HSD11B1: variants seen among roughly 807,000 people sequenced by gnomAD.
HSD11B1 encodes the protein 11-beta-hydroxysteroid dehydrogenase 1.
Under a neutral mutation model 22.1 loss-of-function variants are expected in HSD11B1, and 15 were observed. The observed-to-expected ratio is 0.68, with a 90% CI of 0.45 to 1.04. HSD11B1 has a LOEUF of 1.04. Ranked by LOEUF, HSD11B1 falls within the 50% of genes least tolerant of loss-of-function variation. The pLI is 0.00. For missense variants in HSD11B1, 281 were observed against 357.6 expected, an observed-to-expected ratio of 0.79 and a Z score of 1.73; for synonymous variants, 122 against 125.2, an observed-to-expected ratio of 0.97 and a Z score of 0.17.
chr1:209,700,666 G>C (rs1463112580), upstream of HSD11B1, among the ~76,000 whole-genome samples: 1 of 152,182 alleles, frequency 6.6e-6, no homozygotes, highest in Non-Finnish European at 1.5e-5. Flanking sequence ...CAAAAAATGT[G>C]TTTTTCTTTT....
chr1:209,691,153 T>C (rs1326064339), intron 1 of HSD11B1, among the ~76,000 whole-genome samples: 1 of 152,122 alleles, frequency 6.6e-6, no homozygotes, highest in Non-Finnish European at 1.5e-5. Flanking sequence ...AGCTAGAAAC[T>C]GAAAGGCAAG....
intron 4 of HSD11B1, among the ~76,000 whole-genome samples, chr1:209,726,542 C>T (rs2077003804): frequency 6.6e-6 from 1 of 152,134 alleles, no homozygotes; most frequent in Admixed American, 6.5e-5. Flanking sequence ...CAACACTGTG[C>T]TTTAGCACTT....
chr1:209,701,307 GA>G (rs1180194344), upstream of HSD11B1, among the ~76,000 whole-genome samples: 8 of 152,272 alleles, frequency 5.3e-5, no homozygotes, highest in African/African-American at 1.9e-4. Context: ...AGTAGCAAGA[GA>G]AAAATGAGGA....
At chr1:209,724,202 C>T (rs914848224) in intron 4 of HSD11B1, 21 of 152,206 alleles carry the variant, frequency 1.4e-4, no homozygotes, top group African/African-American at 5.1e-4. Flanking sequence ...TGGCTTTGCC[C>T]ATAGCCATGG....
Position 209,706,783 on chromosome 1 carries a change from C to A in HSD11B1, c.294C>A (p.Phe98Leu). The change falls in exon 3 of 6, where the codon TTC becomes TTA. Residue 98 changes from phenylalanine to leucine, a missense_variant. Physicochemically the swap from Phe to Leu is conservative, Grantham distance 22. Transcript: ENST00000367027. This position sits in a 1 kb window ranked among gnomAD's most constrained non-coding sequence, Gnocchi z 4.0. ...CTGGCACCATGGAAGACATGACCTT[C>A]GCAGAGCAATTTGTTGCCCAAGCAG... ...YIAGTMEDMT[F>L]AEQFVAQAGK... 6.2e-7 allele frequency: 1 copy of A among 1,614,116 alleles called. No individual in the cohort carries two copies. Among genetic ancestry groups the A allele is most frequent in the East Asian group, 2.2e-5 (1 of 44,870 alleles).
At chr1:209,694,172 A>G (rs1373064862) in intron 1 of HSD11B1, among the ~76,000 whole-genome samples, 1 of 152,280 alleles carries the variant, frequency 6.6e-6, no homozygotes, top group East Asian at 1.9e-4. Flanking sequence ...CCAATTCTAT[A>G]TCTTTAACCT....
chr1:209,725,512 C>T (rs188291927), intron 4 of HSD11B1, among the ~76,000 whole-genome samples: 3 of 152,284 alleles, frequency 2.0e-5, no homozygotes, highest in Non-Finnish European at 1.5e-5. Flanking sequence ...TACATGTTTT[C>T]CTTAGTCATG....
At position 209,704,926 on chromosome 1, in the gene HSD11B1, G is replaced by A; in HGVS notation, c.-17G>A. ...TCTGTGTGTCCTACAGGAGTCTTCA[G>A]GCCAGCTCCCTGTCGGATGGCTTTT... is the stretch of plus-strand genomic sequence containing the variant. On this transcript the variant is annotated 5_prime_UTR_variant, in exon 1 of 6. Coordinates refer to ENST00000367027, the MANE Select transcript of HSD11B1 (RefSeq NM_005525.4). 1 of 1,607,324 alleles carries A rather than the reference G, an allele frequency of 6.2e-7. No homozygotes were observed. Among genetic ancestry groups the A allele is most frequent in the South Asian group, 1.1e-5 (1 of 90,938 alleles).
intron 4 of HSD11B1, among the ~76,000 whole-genome samples, chr1:209,722,583 T>C (rs574876472): frequency 6.6e-6 from 1 of 152,322 alleles, no homozygotes; most frequent in African/African-American, 2.4e-5. Context: ...ATGGAGAAGA[T>C]AGGTGGATTT....
At chr1:209,689,977 G>T (rs908020430) in intron 1 of HSD11B1, among the ~76,000 whole-genome samples, 1 of 152,150 alleles carries the variant, frequency 6.6e-6, no homozygotes, top group African/African-American at 2.4e-5. Context: ...AGAGATAAGG[G>T]AAGATATTTC....
rs761192044 is a variant in HSD11B1, at chr1:209,706,845, C to T, written c.331+25C>T. 6.2e-7 allele frequency: 1 copy of T among 1,608,658 alleles called. No individual in the cohort carries two copies. The highest frequency in any genetic ancestry group is 8.5e-7 in the Non-Finnish European group (1 of 1,175,756). ...GGTGAGGCTGTTTCTCTTACCTCCT[C>T]CTCTGAACTTTGCCCTTGGGGTCAC... On this transcript the variant is annotated intron_variant, in intron 3 of 5. Transcript: ENST00000367027. This position sits in a 1 kb window ranked among gnomAD's most constrained non-coding sequence, Gnocchi z 4.0.
rs1014801654 is a variant in HSD11B1 at position 209,706,392 on chromosome 1, C to T, written c.220-317C>T. 1.3e-5 allele frequency among the ~76,000 whole-genome samples: 2 copies of T among 151,892 alleles called. No homozygotes were observed. Among genetic ancestry groups the T allele is most frequent in the African/African-American group, 4.8e-5 (2 of 41,318 alleles). ...AAACATTCACAAACCTAGAGCTACC[C>T]ACATAGTAACCAGCATCTACACTCA... On this transcript the variant is annotated intron_variant, in intron 2 of 5. Coordinates refer to ENST00000367027, the MANE Select transcript of HSD11B1 (RefSeq NM_005525.4). The surrounding 1 kb of genome is among the most constrained non-coding windows in gnomAD (Gnocchi z 4.0).
At chr1:209,708,088 T>C (rs2102373715) in intron 4 of HSD11B1, among the ~76,000 whole-genome samples, 1 of 152,312 alleles carries the variant, frequency 6.6e-6, no homozygotes. Context: ...GAGAGGTCCC[T>C]GGTGTTCTGG....
At chr1:209,718,068 T>A (rs528037520) in intron 4 of HSD11B1, among the ~76,000 whole-genome samples, 2 of 152,188 alleles carry the variant, frequency 1.3e-5, no homozygotes, top group African/African-American at 4.8e-5. Context: ...GAGAGTAGAA[T>A]GATAGTTTAC....
chr1:209,700,851 A>G (rs1342452847), upstream of HSD11B1, among the ~76,000 whole-genome samples: 2 of 152,244 alleles, frequency 1.3e-5, no homozygotes, highest in African/African-American at 4.8e-5. Flanking sequence ...TCTCTAGGGC[A>G]GGGGCAAATG....
intron 1 of HSD11B1, among the ~76,000 whole-genome samples, chr1:209,696,580 G>GA (rs2076792725): frequency 6.6e-6 from 1 of 152,078 alleles, no homozygotes; most frequent in Admixed American, 6.5e-5. Context: ...AGGGAATACA[G>GA]ACAAAAAATG....
intron 1 of HSD11B1, among the ~76,000 whole-genome samples, chr1:209,689,662 A>G (rs532293259): frequency 4.6e-5 from 7 of 151,726 alleles, no homozygotes; most frequent in Admixed American, 6.6e-5. Context: ...GGCCCCTCCC[A>G]CCCCTCTCTT....
chr1:209,711,983 T>C (rs1363199520), intron 4 of HSD11B1, among the ~76,000 whole-genome samples: 3 of 152,170 alleles, frequency 2.0e-5, no homozygotes, highest in Non-Finnish European at 4.4e-5. Flanking sequence ...CGGCTGAACT[T>C]AGGTAGTTGA....
rs747909405 is a variant in HSD11B1 at position 209,734,453 on chromosome 1, C to T, written c.811C>T (p.Pro271Ser). 2 of 1,614,094 alleles carry T rather than the reference C, an allele frequency of 1.2e-6. No homozygotes were observed. Among genetic ancestry groups the T allele is most frequent in the Non-Finnish European group, 1.7e-6 (2 of 1,179,974 alleles). ...CTGGACCACTCTTCTGATCAGAAATCCATGCAGGAAGATCCTGGAATTTCT... is the reference window on the plus strand; with the variant it reads ...CTGGACCACTCTTCTGATCAGAAATTCATGCAGGAAGATCCTGGAATTTCT... Reference protein sequence around the residue: ...SLWTTLLIRNPCRKILEFLYS... With the variant: ...SLWTTLLIRNSCRKILEFLYS... Residue 271 changes from proline (P) to serine (S), a missense_variant, in exon 6 of 6, where the codon CCA becomes TCA. Pro to Ser is a moderately conservative substitution (Grantham distance 74). Coordinates refer to ENST00000367027, the MANE Select transcript of HSD11B1 (RefSeq NM_005525.4).
Sources: gnomAD v4.1 joint callset for allele counts (sites outside exome capture counted in the v4.1 genomes callset) on GRCh38, gnomAD v4.1.1 for gene constraint, Gnocchi (gnomAD v3.1) non-coding constraint, MANE v1.5 for transcripts, NCBI Gene and HGNC (gene_info 2026-07-23, HGNC 2026-07-21) for gene names.